CIMIP2C: variants seen among roughly 807,000 people sequenced by gnomAD.
CIMIP2C encodes UPF0573 protein C2orf70.
At chr2:26,576,500 C>T in the CIMIP2C span, among the ~76,000 whole-genome samples, 2 of 152,214 alleles carry the variant, frequency 1.3e-5, no homozygotes, top group South Asian at 4.1e-4. Flanking sequence ...CCCCTGGAGT[C>T]TCTTGGATCT....
At chr2:26,562,931 C>A in the CIMIP2C span, 1 of 554,772 alleles carries the variant, frequency 1.8e-6, no homozygotes, top group Non-Finnish European at 3.2e-6. Flanking sequence ...TGGGGCACAG[C>A]CAGCAGGGCA....
chr2:26,567,162 G>T, the CIMIP2C span, among the ~76,000 whole-genome samples: 1 of 152,146 alleles, frequency 6.6e-6, no homozygotes, highest in Non-Finnish European at 1.5e-5. Flanking sequence ...CTGTGATATG[G>T]TTTGGCTGTG....
At chr2:26,563,601 T>C in the CIMIP2C span, among the ~76,000 whole-genome samples, 1 of 152,178 alleles carries the variant, frequency 6.6e-6, no homozygotes, top group African/African-American at 2.4e-5. Flanking sequence ...CTAAGAACCC[T>C]TGTCTGAAAA....
At chr2:26,565,294 T>C in the CIMIP2C span, among the ~76,000 whole-genome samples, 1 of 152,212 alleles carries the variant, frequency 6.6e-6, no homozygotes, top group Non-Finnish European at 1.5e-5. Flanking sequence ...TTTTGCCATG[T>C]TGGCCAGGCT....
chr2:26,577,169 A>C, the CIMIP2C span, among the ~76,000 whole-genome samples: 3 of 152,234 alleles, frequency 2.0e-5, no homozygotes, highest in Non-Finnish European at 4.4e-5. Context: ...GAGGAAACAC[A>C]GGCCAGGCGG....
chr2:26,570,011 G>A, the CIMIP2C span, among the ~76,000 whole-genome samples: 3 of 152,104 alleles, frequency 2.0e-5, no homozygotes, highest in African/African-American at 4.8e-5. Context: ...GCCAAGATGC[G>A]CCCACTGAGT....
chr2:26,562,738 C>G, the CIMIP2C span: 1 of 1,488,526 alleles, frequency 6.7e-7, no homozygotes, highest in South Asian at 1.2e-5. Flanking sequence ...GCGCCCTCCT[C>G]GGTGATCGAA....
chr2:26,574,437 T>C, the CIMIP2C span, among the ~76,000 whole-genome samples: 2 of 138,380 alleles, frequency 1.4e-5, no homozygotes, highest in South Asian at 2.2e-4. Flanking sequence ...CTGACTTGGA[T>C]GGCTAGGGGG....
the CIMIP2C span, among the ~76,000 whole-genome samples, chr2:26,570,344 C>T: frequency 9.8e-5 from 15 of 152,348 alleles, no homozygotes; most frequent in East Asian, 7.7e-4. Flanking sequence ...ATCAGAGCCA[C>T]GCTCCTCTTA....
At chr2:26,567,024 T>A in the CIMIP2C span, among the ~76,000 whole-genome samples, 1 of 152,216 alleles carries the variant, frequency 6.6e-6, no homozygotes, top group Admixed American at 6.5e-5. Context: ...CATATTTAAT[T>A]GTAATGGAAT....
the CIMIP2C span, among the ~76,000 whole-genome samples, chr2:26,568,131 C>A: frequency 6.6e-6 from 1 of 152,170 alleles, no homozygotes; most frequent in Admixed American, 6.5e-5. Context: ...GATCATTGTC[C>A]CAGATTCAAG....
the CIMIP2C span, among the ~76,000 whole-genome samples, chr2:26,567,794 G>GGCC: frequency 6.6e-6 from 1 of 152,136 alleles, no homozygotes; most frequent in African/African-American, 2.4e-5. Flanking sequence ...CCTGTGTTCG[G>GGCC]GCCCCATCTA....
the CIMIP2C span, among the ~76,000 whole-genome samples, chr2:26,565,154 A>G: frequency 6.7e-6 from 1 of 149,416 alleles, no homozygotes; most frequent in Admixed American, 6.7e-5. Flanking sequence ...CAATGGCGCA[A>G]TCTCGGCTCA....
the CIMIP2C span, among the ~76,000 whole-genome samples, chr2:26,565,528 T>G: frequency 6.6e-6 from 1 of 152,208 alleles, no homozygotes; most frequent in Admixed American, 6.5e-5. Context: ...AACCGTCATG[T>G]GGTGTTTCAC....
At chr2:26,569,815 C>T in the CIMIP2C span, among the ~76,000 whole-genome samples, 2 of 152,098 alleles carry the variant, frequency 1.3e-5, no homozygotes, top group Admixed American at 6.5e-5. Flanking sequence ...GTGGTGGCAC[C>T]AGCCAACACA....
At chr2:26,567,788 T>C in the CIMIP2C span, among the ~76,000 whole-genome samples, 1 of 152,192 alleles carries the variant, frequency 6.6e-6, no homozygotes, top group Non-Finnish European at 1.5e-5. Flanking sequence ...CTATGACCTG[T>C]GTTCGGGCCC....
chr2:26,577,567 C>T, the CIMIP2C span: 53 of 1,614,020 alleles, frequency 3.3e-5, no homozygotes, highest in Middle Eastern at 6.6e-4. Context: ...CACAGTGCCT[C>T]GAGTCCCCTA....
At chr2:26,574,818 G>A in the CIMIP2C span, among the ~76,000 whole-genome samples, 1 of 152,354 alleles carries the variant, frequency 6.6e-6, no homozygotes, top group East Asian at 1.9e-4. Flanking sequence ...GCTACTGGAA[G>A]GCCCAGCAAG....
chr2:26,577,353 G>C, the CIMIP2C span, among the ~76,000 whole-genome samples: 1 of 152,210 alleles, frequency 6.6e-6, no homozygotes, highest in African/African-American at 2.4e-5. Context: ...CACCCAGCTG[G>C]TTGGCAATTG....
Sources: gnomAD v4.1 joint callset for allele counts (sites outside exome capture counted in the v4.1 genomes callset) on GRCh38, gnomAD v4.1.1 for gene constraint, MANE v1.5 for transcripts, NCBI Gene and HGNC (gene_info 2026-07-23, HGNC 2026-07-21) for gene names.